Variants in PRKCZ observed in about 807,000 individuals in gnomAD.
The protein encoded by PRKCZ is protein kinase C zeta type.
In PRKCZ, 33 loss-of-function variants were observed where a neutral mutation model predicts 79.5. The observed-to-expected ratio is 0.41, with a 90% CI of 0.31 to 0.55. The LOEUF (loss-of-function observed/expected upper bound fraction) is 0.55. Among genes scored for constraint, PRKCZ ranks in the 20% least tolerant of loss-of-function variants. PRKCZ has a pLI of 0.19. For synonymous variants in PRKCZ, 342 were observed against 320.9 expected (o/e 1.07, Z -0.70); for missense variants, 578 against 813.5 (o/e 0.71, Z 3.52).
Position 2,178,317 on chromosome 1 carries a change from C to G in PRKCZ, c.1575+3004C>G, listed in dbSNP as rs1685877198. ...CGCGGCCTTTCGTGCCTGCCCTCCC[C>G]TCAGCATTGTCTCCACAAGCTGCAC... On this transcript the variant is annotated intron_variant, in intron 16 of 17. Transcript: ENST00000378567. The surrounding 1 kb of genome is among the most constrained non-coding windows in gnomAD (Gnocchi z 4.3). Among the ~76,000 whole-genome samples, 1 of 152,246 alleles carries G rather than the reference C, an allele frequency of 6.6e-6. No individual in the cohort carries two copies.
chr1:2,097,673 C>T (rs578080328), intron 4 of PRKCZ, among the ~76,000 whole-genome samples: 23 of 152,284 alleles, frequency 1.5e-4, no homozygotes, highest in African/African-American at 4.1e-4. Context: ...AGGCACGCCT[C>T]GCACCGTGCT....
At chr1:2,152,457 G>A (rs561973967) in intron 9 of PRKCZ, among the ~76,000 whole-genome samples, 3 of 152,138 alleles carry the variant, frequency 2.0e-5, no homozygotes, top group Non-Finnish European at 4.4e-5. Context: ...GCTTGAACCA[G>A]GGAGGCGGAG....
At chr1:2,141,869 A>G (rs1018068503) in intron 5 of PRKCZ, 9 of 316,382 alleles carry the variant, frequency 2.8e-5, no homozygotes, top group Non-Finnish European at 4.9e-5. Context: ...TGCACAGCCA[A>G]AGTGCCTCCT....
intron 3 of PRKCZ, among the ~76,000 whole-genome samples, chr1:2,057,907 G>A (rs1449736164): frequency 4.8e-5 from 7 of 144,350 alleles, no homozygotes; most frequent in African/African-American, 1.0e-4. Context: ...TCGCTCTGTC[G>A]CCCAGGCTGG....
chr1:2,101,253 AC>A (rs1161012989), intron 4 of PRKCZ, among the ~76,000 whole-genome samples: 1 of 152,190 alleles, frequency 6.6e-6, no homozygotes, highest in African/African-American at 2.4e-5. Context: ...GTATTTGGTT[AC>A]TAAAGCTGTC....
At chr1:2,183,432 T>C (rs1687034128) in intron 16 of PRKCZ, 1 of 150,404 alleles carries the variant, frequency 6.6e-6, no homozygotes, top group Admixed American at 6.6e-5. Flanking sequence ...AGTGAATGAG[T>C]GAATGGGAGT....
intron 8 of PRKCZ, among the ~76,000 whole-genome samples, chr1:2,150,182 A>AG (rs892042167): frequency 1.3e-5 from 2 of 150,790 alleles, no homozygotes; most frequent in African/African-American, 2.4e-5. Flanking sequence ...AAAAAAAAAA[A>AG]GCAGAATCCA....
chr1:2,185,048 C>T lies in PRKCZ; in HGVS notation c.*39C>T, dbSNP rs964719346. The stretch of plus-strand genomic sequence containing the variant: ...TCTGTCGTGGACACGCGTGATTGAC[C>T]CTTTAACTGTATCCTTAACCACCGC... On this transcript the variant is annotated 3_prime_UTR_variant, in exon 18 of 18. Transcript: ENST00000378567. The T allele has an allele frequency of 3.9e-6, 6 of 1,547,478 alleles. No homozygotes were observed. Among genetic ancestry groups the T allele is most frequent in the Non-Finnish European group, 4.4e-6 (5 of 1,130,604 alleles).
intron 3 of PRKCZ, among the ~76,000 whole-genome samples, chr1:2,058,857 C>T (rs1337756329): frequency 6.6e-6 from 1 of 152,138 alleles, no homozygotes. Flanking sequence ...GATTGTGCCA[C>T]TGAGCTCCAG....
At chr1:2,122,808 C>T (rs1157721477) in intron 4 of PRKCZ, among the ~76,000 whole-genome samples, 1 of 8,442 alleles carries the variant, frequency 1.2e-4, no homozygotes, top group African/African-American at 3.9e-4. Context: ...TGGTTAGGGT[C>T]GTGGCGGTGG....
At chr1:2,120,293 GTTTTTTTTTTT>G (rs59518072) in intron 4 of PRKCZ, among the ~76,000 whole-genome samples, 331 of 32,796 alleles carry the variant, frequency 0.01, no homozygotes, top group Admixed American at 0.016. Context: ...TTGACTTTTC[GTTTTTTTTTTT>G]TTTTTTTTTT....
At chr1:2,169,227 CCTT>C (rs1194802863) in intron 10 of PRKCZ, 2 of 492,424 alleles carry the variant, frequency 4.1e-6, no homozygotes, top group African/African-American at 1.9e-5. Context: ...CGGGCCACCT[CCTT>C]CATTCCGGGG....
At chr1:2,160,819 G>A (rs1682108029) in intron 10 of PRKCZ, among the ~76,000 whole-genome samples, 1 of 152,164 alleles carries the variant, frequency 6.6e-6, no homozygotes, top group South Asian at 2.1e-4. Flanking sequence ...GGAGGACTCG[G>A]GGGTGCTGTG....
intron 4 of PRKCZ, among the ~76,000 whole-genome samples, chr1:2,087,103 G>C (rs1034991183): frequency 1.3e-5 from 2 of 151,736 alleles, no homozygotes; most frequent in African/African-American, 4.8e-5. Flanking sequence ...TTTTTTTTGA[G>C]ACAGAATCTT....
At chr1:2,056,701 A>G (rs1416260526) in intron 3 of PRKCZ, 128 bp downstream of exon 3, 8 of 749,706 alleles carry the variant, frequency 1.1e-5, no homozygotes, top group Admixed American at 3.4e-5. Flanking sequence ...GATGTCTAAT[A>G]TAATGCCATT....
At position 2,172,794 on chromosome 1, in the gene PRKCZ, C is replaced by T. The variant is rs941069308; in HGVS notation, c.1285+406C>T. Reference sequence around the variant, plus strand: ...ACCCCACAGGCCCTGCGGCTGAGGACGCCGTGCACACCAGAGTGTTTCTGC... The same window carrying T: ...ACCCCACAGGCCCTGCGGCTGAGGATGCCGTGCACACCAGAGTGTTTCTGC... On this transcript the variant is annotated intron_variant, in intron 13 of 17. Transcript: ENST00000378567. This position sits in a 1 kb window ranked among gnomAD's most constrained non-coding sequence, Gnocchi z 7.8. Among the ~76,000 whole-genome samples the T allele has an allele frequency of 1.3e-5, 2 of 152,216 alleles. No homozygotes were observed. Among genetic ancestry groups the T allele is most frequent in the Admixed American group, 6.5e-5 (1 of 15,286 alleles).
In PRKCZ at chr1:2,075,759, G is replaced by A. The variant is rs78631313; in HGVS notation, c.334+16168G>A. ...CTGAGAGCCCAGCCCATCCACACTG[G>A]GTGCCCCAGACCTTCCACGGGGTCT... is the stretch of plus-strand genomic sequence containing the variant. On this transcript the variant is annotated intron_variant, in intron 4 of 17. Coordinates refer to ENST00000378567, the MANE Select transcript of PRKCZ (RefSeq NM_002744.6). The surrounding 1 kb of genome is among the most constrained non-coding windows in gnomAD (Gnocchi z 4.8). Among the ~76,000 whole-genome samples the A allele has an allele frequency of 3.1e-3, 472 of 152,318 alleles. 23 individuals are homozygous for A. In the East Asian group the frequency reaches 0.078, roughly 25 times the overall value.
Position 2,144,268 on chromosome 1 carries a change from G to T in PRKCZ, c.479G>T (p.Arg160Met). ...RIWGLARQGY[R>M]CINCKLLVHK... ...TGGGGCCTCGCGAGGCAAGGCTACA[G>T]GTGCATCAACTGCAAACTGCTGGTC... The change falls in exon 6 of 18, where the codon AGG becomes ATG. Residue 160 changes from arginine (R) to methionine (M), a missense_variant. This residue lies in a region of PRKCZ where 16 missense variants were observed against 37.4 expected (regional missense o/e 0.43). Coordinates refer to ENST00000378567, the MANE Select transcript of PRKCZ (RefSeq NM_002744.6). The T allele has an allele frequency of 6.4e-7, 1 of 1,561,290 alleles. No homozygotes were observed. The highest frequency in any genetic ancestry group is 8.7e-7 in the Non-Finnish European group (1 of 1,151,664).
intron 4 of PRKCZ, chr1:2,074,314 G>C: frequency 6.5e-7 from 1 of 1,549,386 alleles, no homozygotes; most frequent in Non-Finnish European, 8.7e-7. Flanking sequence ...GGCGGTGGCT[G>C]TGGAGGGCTG....
Sources: gnomAD v4.1 joint callset for allele counts (sites outside exome capture counted in the v4.1 genomes callset) on GRCh38, gnomAD v4.1.1 for gene constraint, gnomAD v4.1.1 regional missense constraint, Gnocchi (gnomAD v3.1) non-coding constraint, MANE v1.5 for transcripts, NCBI Gene and HGNC (gene_info 2026-07-23, HGNC 2026-07-21) for gene names.